The following PREP variants were observed in gnomAD, a reference collection of about 807,000 sequenced individuals.
The protein encoded by PREP is prolyl endopeptidase, also known as dJ355L5.1 (prolyl endopeptidase).
PREP carries 29 observed loss-of-function variants against 87.6 expected under a neutral mutation model. That is an observed-to-expected ratio of 0.33 (90% CI 0.25 to 0.45). The LOEUF (loss-of-function observed/expected upper bound fraction) is 0.45, where lower values mean the gene tolerates loss of function less well. Ranked by LOEUF, PREP falls within the 20% of genes least tolerant of loss-of-function variation. The probability of loss-of-function intolerance (pLI) is 1.00; values close to 1 mark genes in which losing one functional copy is unlikely to be tolerated. For missense variants in PREP, 695 were observed against 886.5 expected (o/e 0.78, Z 2.74); for synonymous variants, 337 against 328.6 (o/e 1.03, Z -0.28).
chr6:105,352,903 T>C (rs1281298449), intron 7 of PREP, 69 bp downstream of exon 7: 2 of 1,351,812 alleles, frequency 1.5e-6, no homozygotes, highest in Admixed American at 1.8e-5. Flanking sequence ...AATCAATTAA[T>C]AGACCACAAT....
rs1292987285 is a variant in PREP, at chr6:105,278,506, G to GTAGT, written c.1839-72_1839-69dup. The GTAGT allele has an allele frequency of 1.4e-6, 2 of 1,479,788 alleles. No homozygotes were observed. Among genetic ancestry groups the GTAGT allele is most frequent in the Admixed American group, 1.8e-5 (1 of 55,602 alleles). The allele number at this position is 1,479,788 out of a possible 1,614,324, so 91.7% of individuals were successfully genotyped here. A position where few individuals can be genotyped will look rare whatever the true frequency, so the allele number is the denominator to read the frequency against. ...AGAGTTTTATGGCACAGGGACCTAG[G>GTAGT]TAGTTAATTAGCAGTGAGGACTGCA... On this transcript the variant is annotated intron_variant, in intron 14 of 14. Coordinates refer to ENST00000652536, the MANE Select transcript of PREP (RefSeq NM_002726.5). This position sits in a 1 kb window ranked among gnomAD's most constrained non-coding sequence, Gnocchi z 4.2.
At chr6:105,291,969 T>C (rs1770305776) in intron 10 of PREP, among the ~76,000 whole-genome samples, 1 of 152,180 alleles carries the variant, frequency 6.6e-6, no homozygotes, top group East Asian at 1.9e-4. Context: ...CATTCAAGTT[T>C]TATCATGAGA....
In PREP at chr6:105,276,565, T is replaced by TATC; in HGVS notation, c.*1576_*1578dup. On this transcript the variant is annotated 3_prime_UTR_variant, in exon 15 of 15. Transcript: ENST00000652536. ...CAGCAGTTACACCAAAGCTAGCTAG[T>TATC]ATCAGTATCTGAGTAGATGGTGATG... 1.3e-5 allele frequency among the ~76,000 whole-genome samples: 2 copies of TATC among 152,338 alleles called. No individual in the cohort carries two copies. The highest frequency in any genetic ancestry group is 3.9e-4 in the East Asian group (2 of 5,182).
At chr6:105,284,969 T>C (rs1770160336) in intron 12 of PREP, among the ~76,000 whole-genome samples, 1 of 152,202 alleles carries the variant, frequency 6.6e-6, no homozygotes, top group Admixed American at 6.5e-5. Flanking sequence ...GCAGCAATGC[T>C]AGGAGGATGA....
At chr6:105,353,114 A>T (rs369325513) in intron 6 of PREP, 37 bp from the exon 7 acceptor site, 12 of 1,478,300 alleles carry the variant, frequency 8.1e-6, no homozygotes, top group Admixed American at 1.9e-5. Context: ...GGGACTAATT[A>T]GAATTTATTT....
At chr6:105,295,157 CTTT>C (rs10586996) in intron 10 of PREP, among the ~76,000 whole-genome samples, 211 of 132,562 alleles carry the variant, frequency 1.6e-3, no homozygotes, top group African/African-American at 5.0e-3. Flanking sequence ...CAATGTTTTC[CTTT>C]TTTTTTTTTT....
In PREP at chr6:105,381,655, G is replaced by A. The variant is rs77395799; in HGVS notation, c.121-4136C>T. ...CAACAGTTTAGATTTTATATCCATA[G>A]ATGAATCTGAACACATTTTCCTAGC... On this transcript the variant is annotated intron_variant, in intron 2 of 14. Coordinates refer to ENST00000652536, the MANE Select transcript of PREP (RefSeq NM_002726.5). Among the ~76,000 whole-genome samples the A allele has an allele frequency of 3.1e-3, 477 of 152,300 alleles. 22 individuals are homozygous for A. In the East Asian group the frequency reaches 0.079, roughly 25 times the overall value.
chr6:105,296,205 AT>A (rs577976646), intron 10 of PREP, among the ~76,000 whole-genome samples: 8 of 151,918 alleles, frequency 5.3e-5, no homozygotes, highest in Admixed American at 1.3e-4. Flanking sequence ...TCCTTACTGT[AT>A]TTTTTTTATT....
chr6:105,398,255 GAATGACAC>G (rs1352552802), intron 1 of PREP, among the ~76,000 whole-genome samples: 1 of 152,214 alleles, frequency 6.6e-6, no homozygotes, highest in Non-Finnish European at 1.5e-5. Context: ...GCCAAGCACA[GAATGACAC>G]AATACAGTGG....
At chr6:105,397,819 AG>A (rs1230435067) in intron 2 of PREP, 33 bp downstream of exon 2, 1 of 1,507,772 alleles carries the variant, frequency 6.6e-7, no homozygotes, top group Non-Finnish European at 9.2e-7. Flanking sequence ...CTAGCTACTA[AG>A]GCTGCCTTAT....
At chr6:105,310,877 T>C (rs1770747059) in intron 10 of PREP, among the ~76,000 whole-genome samples, 2 of 152,220 alleles carry the variant, frequency 1.3e-5, no homozygotes, top group Non-Finnish European at 2.9e-5. Context: ...ATATTTAACA[T>C]GTACCACAAA....
intron 9 of PREP, among the ~76,000 whole-genome samples, chr6:105,326,841 T>G (rs913643249): frequency 1.3e-5 from 2 of 152,142 alleles, no homozygotes; most frequent in African/African-American, 4.8e-5. Context: ...CAAAGCTTGG[T>G]CAGAAAATTA....
At chr6:105,334,567 A>C (rs966525551) in intron 7 of PREP, among the ~76,000 whole-genome samples, 2 of 152,026 alleles carry the variant, frequency 1.3e-5, no homozygotes, top group East Asian at 1.9e-4. Context: ...AAAAATACAA[A>C]AATTAGCTGG....
intron 10 of PREP, chr6:105,302,498 C>T: frequency 5.4e-6 from 2 of 370,334 alleles, no homozygotes; most frequent in Non-Finnish European, 1.1e-5. Context: ...GCCGCTCCTT[C>T]CGCGGCTGCT....
chr6:105,396,890 T>G (rs1370063680), intron 2 of PREP, among the ~76,000 whole-genome samples: 1 of 151,896 alleles, frequency 6.6e-6, no homozygotes, highest in African/African-American at 2.4e-5. Context: ...CTACATAAAG[T>G]ACACATAAAT....
At chr6:105,289,013 A>G in intron 10 of PREP, 119 bp from the exon 11 acceptor site, 1 of 1,003,588 alleles carries the variant, frequency 1.0e-6, no homozygotes, top group Admixed American at 2.5e-5. Context: ...GTGAAAACCT[A>G]GTACCTCTCA....
At chr6:105,392,316 G>A (rs1223507140) in intron 2 of PREP, among the ~76,000 whole-genome samples, 1 of 152,112 alleles carries the variant, frequency 6.6e-6, no homozygotes, top group African/African-American at 2.4e-5. Context: ...GGGATTACAG[G>A]CGTGAGCCCC....
chr6:105,376,319 A>G (rs1212394622), intron 3 of PREP, 64 bp from the exon 4 acceptor site: 5 of 1,551,536 alleles, frequency 3.2e-6, no homozygotes, highest in Non-Finnish European at 4.4e-6. Flanking sequence ...AAAACCAAAC[A>G]CACACAAGCA....
intron 2 of PREP, among the ~76,000 whole-genome samples, chr6:105,389,234 T>C (rs1436547302): frequency 6.6e-6 from 1 of 152,234 alleles, no homozygotes; most frequent in Non-Finnish European, 1.5e-5. Flanking sequence ...TTTTCTCACT[T>C]GGGTGTTGTT....
Sources: allele counts gnomAD v4.1 joint callset (sites outside exome capture counted in the v4.1 genomes callset), GRCh38; gene constraint gnomAD v4.1.1; non-coding constraint Gnocchi (gnomAD v3.1); transcripts MANE v1.5; gene names NCBI Gene and HGNC (gene_info 2026-07-23, HGNC 2026-07-21).